KEL: variants seen among roughly 807,000 people sequenced by gnomAD.
KEL encodes the protein kell blood group glycoprotein.
Under a neutral mutation model 99.5 loss-of-function variants are expected in KEL, and 96 were observed. The ratio of observed to expected loss-of-function variants is 0.97; its 90% CI spans 0.82 to 1.14. The LOEUF (loss-of-function observed/expected upper bound fraction) is 1.14. KEL is among the 50% of genes most tolerant of loss of function. The probability of loss-of-function intolerance (pLI) is 0.00; values close to 1 mark genes in which losing one functional copy is unlikely to be tolerated. For synonymous variants in KEL, 355 were observed against 354.8 expected (o/e 1.00, Z -0.01); for missense variants, 926 against 924.2 (o/e 1.00, Z -0.03).
intron 10 of KEL, among the ~76,000 whole-genome samples, chr7:142,947,571 A>G (rs1344452346): frequency 3.9e-5 from 6 of 152,056 alleles, no homozygotes; most frequent in Non-Finnish European, 8.8e-5. Context: ...TTTATTTTGT[A>G]ACAGAGTCTC....
Position 142,954,166 on chromosome 7 carries a change from G to A in KEL, c.924+18C>T, listed in dbSNP as rs765837284. 6.2e-7 allele frequency: 1 copy of A among 1,604,792 alleles called. No individual in the cohort carries two copies. The highest frequency in any genetic ancestry group is 8.5e-7 in the Non-Finnish European group (1 of 1,178,652). Reference sequence around the variant, plus strand: ...AGATCCCCATGCCCACAGTCTTCTGGCCCCCAGTTCCAGGCACCTTGAGCT... The same window carrying A: ...AGATCCCCATGCCCACAGTCTTCTGACCCCCAGTTCCAGGCACCTTGAGCT... On this transcript the variant is annotated intron_variant, in intron 8 of 18. Coordinates refer to ENST00000355265, the MANE Select transcript of KEL (RefSeq NM_000420.3).
At chr7:142,942,398 T>C (rs1796382149) in intron 18 of KEL, 36 bp downstream of exon 18, 1 of 1,471,454 alleles carries the variant, frequency 6.8e-7, no homozygotes, top group Non-Finnish European at 9.4e-7. Context: ...TCAACTGACA[T>C]AAAGCAAGCT....
chr7:142,946,542 T>C, intron 10 of KEL: 1 of 592,770 alleles, frequency 1.7e-6, no homozygotes, highest in Non-Finnish European at 3.0e-6. Context: ...AAATCCTTCA[T>C]GTTATTGCCT....
chr7:142,944,810 C>T (rs1796478054), intron 11 of KEL, 69 bp from the exon 12 acceptor site: 1 of 1,247,298 alleles, frequency 8.0e-7, no homozygotes, highest in African/African-American at 1.5e-5. Context: ...CTGCCCACAG[C>T]TTCTGACCCT....
chr7:142,944,417 A>T lies in KEL; in HGVS notation c.1414-17T>A. ...TTGAGCAACCTGGAGAGAGACACAG[A>T]AGAGGCTAGGAATACTCTCCGAGTC... On this transcript the variant is annotated splice_polypyrimidine_tract_variant and intron_variant, in intron 12 of 18. Coordinates refer to ENST00000355265, the MANE Select transcript of KEL (RefSeq NM_000420.3). The T allele has an allele frequency of 6.2e-7, 1 of 1,600,334 alleles. No homozygotes were observed. The highest frequency in any genetic ancestry group is 1.3e-5 in the African/African-American group (1 of 74,756).
intron 10 of KEL, among the ~76,000 whole-genome samples, chr7:142,948,500 T>C (rs545224908): frequency 7.2e-5 from 11 of 152,106 alleles, no homozygotes; most frequent in East Asian, 1.9e-4. Context: ...CAATCTTCTA[T>C]AGGATGAAAG....
chr7:142,946,182 T>A, intron 11 of KEL, 25 bp downstream of exon 11: 1 of 1,526,436 alleles, frequency 6.6e-7, no homozygotes, highest in Non-Finnish European at 9.1e-7. Flanking sequence ...TGGAGGGATG[T>A]GGGCTGGGAA....
Position 142,954,529 on chromosome 7 carries a change from TG to T in KEL, c.673-3del. 5 of 1,613,962 alleles carry T rather than the reference TG, an allele frequency of 3.1e-6. No homozygotes were observed. The highest frequency in any genetic ancestry group is 4.2e-6 in the Non-Finnish European group (5 of 1,179,892). ...AACATCAAACTCTGGCTGGTCTATC[TG>T]GGCACAAGAGAGACTGGAGAGAAGC... On this transcript the variant is annotated splice_polypyrimidine_tract_variant and splice_region_variant and intron_variant, in intron 6 of 18. Transcript: ENST00000355265.
At chr7:142,949,004 T>A (rs1796605879) in intron 10 of KEL, among the ~76,000 whole-genome samples, 1 of 152,096 alleles carries the variant, frequency 6.6e-6, no homozygotes, top group South Asian at 2.1e-4. Flanking sequence ...TTGCAAAAGA[T>A]TCTACAGGCT....
chr7:142,957,780 T>A, intron 6 of KEL, 47 bp downstream of exon 6: 1 of 1,611,846 alleles, frequency 6.2e-7, no homozygotes, highest in Non-Finnish European at 8.5e-7. Context: ...TGGCTAGAGT[T>A]GGAGGCAGGC....
Position 142,944,402 on chromosome 7 carries a change from T to C in KEL, c.1414-2A>G. 1 of 1,611,818 alleles carries C rather than the reference T, an allele frequency of 6.2e-7. No individual in the cohort carries two copies. The highest frequency in any genetic ancestry group is 8.5e-7 in the Non-Finnish European group (1 of 1,177,836). On this transcript the variant is annotated splice_acceptor_variant, in intron 12 of 18. Coordinates refer to ENST00000355265, the MANE Select transcript of KEL (RefSeq NM_000420.3). LOFTEE classifies it high-confidence loss of function. Reference sequence around the variant, plus strand: ...CATCTCCACCTGCAGTTGAGCAACCTGGAGAGAGACACAGAAGAGGCTAGG... The same window carrying C: ...CATCTCCACCTGCAGTTGAGCAACCCGGAGAGAGACACAGAAGAGGCTAGG...
intron 9 of KEL, among the ~76,000 whole-genome samples, chr7:142,953,047 C>A (rs547187240): frequency 3.2e-4 from 49 of 152,266 alleles, no homozygotes; most frequent in South Asian, 2.5e-3. Flanking sequence ...CTGCATTGCA[C>A]CCTTATGTAA....
chr7:142,961,270 G>T (rs1172946236), intron 3 of KEL, 90 bp downstream of exon 3: 3 of 1,583,102 alleles, frequency 1.9e-6, no homozygotes, highest in South Asian at 2.2e-5. Flanking sequence ...AAGGGTCAGG[G>T]TGGGCAGAAG....
Position 142,941,295 on chromosome 7 carries a change from C to T in KEL, c.2156G>A (p.Arg719His), listed in dbSNP as rs138256114. The T allele has an allele frequency of 2.8e-5, 45 of 1,613,990 alleles. No homozygotes were observed. Among genetic ancestry groups the T allele is most frequent in the East Asian group, 6.7e-5 (3 of 44,886 alleles). Residue 719 changes from arginine to histidine, a missense_variant, in exon 19 of 19, where the codon CGT becomes CAT. By Grantham distance (29) the Arg-to-His change is conservative. Transcript: ENST00000355265. Reference sequence around the variant, plus strand: ...GCTGGAGGGGTTCAAGAGAGCACCACGTGCACAGCGGAAATACCTGGCAAA... The same window carrying T: ...GCTGGAGGGGTTCAAGAGAGCACCATGTGCACAGCGGAAATACCTGGCAAA... ...PAFARYFRCA[R>H]GALLNPSSRC...
At chr7:142,950,003 A>G (rs1796641548) in intron 10 of KEL, among the ~76,000 whole-genome samples, 1 of 152,256 alleles carries the variant, frequency 6.6e-6, no homozygotes, top group Admixed American at 6.5e-5. Flanking sequence ...TAAGGGCACT[A>G]TAAATTATAA....
chr7:142,942,226 G>C, intron 18 of KEL: 2 of 592,016 alleles, frequency 3.4e-6, no homozygotes, highest in Non-Finnish European at 6.0e-6. Context: ...AGTTGTGGGG[G>C]TGCTGAACTA....
rs61729039 is a variant in KEL at position 142,957,960 on chromosome 7, C to T, written c.539G>A (p.Arg180His). 29 of 1,613,938 alleles carry T rather than the reference C, an allele frequency of 1.8e-5. No homozygotes were observed. In the East Asian group the frequency reaches 2.0e-4, roughly 11 times the overall value. ...RQVIEELGGW[R>H]ISGKWTSLNF... ...TAAGGAAGTCCATTTACCAGAGATG[C>T]GCCAGCCTCCAAGCTTTAAAGGAGA... The change falls in exon 6 of 19, where the codon CGC becomes CAC. Residue 180 changes from arginine (R) to histidine (H), a missense_variant. Coordinates refer to ENST00000355265, the MANE Select transcript of KEL (RefSeq NM_000420.3).
At chr7:142,960,271 T>A (rs1244889204) in intron 4 of KEL, among the ~76,000 whole-genome samples, 1 of 152,206 alleles carries the variant, frequency 6.6e-6, no homozygotes, top group Non-Finnish European at 1.5e-5. Context: ...TCCACCATCA[T>A]CCATCATCTC....
intron 5 of KEL, 70 bp downstream of exon 5, chr7:142,958,233 TG>T: frequency 6.2e-7 from 1 of 1,609,534 alleles, no homozygotes; most frequent in African/African-American, 1.3e-5. Context: ...GAAAAAAAAA[TG>T]GCAGCCCTAA....
Sources: allele counts gnomAD v4.1 joint callset (sites outside exome capture counted in the v4.1 genomes callset), GRCh38; gene constraint gnomAD v4.1.1; transcripts MANE v1.5; gene names NCBI Gene and HGNC (gene_info 2026-07-23, HGNC 2026-07-21).